SARDH: variants seen among roughly 807,000 people sequenced by gnomAD.
The protein encoded by SARDH is sarcosine dehydrogenase, mitochondrial.
SARDH carries 95 observed loss-of-function variants against 109.1 expected under a neutral mutation model. The ratio of observed to expected loss-of-function variants is 0.87; its 90% confidence interval spans 0.74 to 1.03. The LOEUF is 1.03. SARDH is among the 50% of genes least tolerant of loss of function. SARDH has a pLI of 0.00. For missense variants in SARDH, 1,267 were observed against 1,287.8 expected, an observed-to-expected ratio of 0.98 and a Z score of 0.25; for synonymous variants, 572 against 534.8, an observed-to-expected ratio of 1.07 and a Z score of -0.96.
intron 6 of SARDH, among the ~76,000 whole-genome samples, chr9:133,724,504 A>G (rs978326081): frequency 6.6e-6 from 1 of 152,174 alleles, no homozygotes; most frequent in African/African-American, 2.4e-5. Flanking sequence ...AAAAAGACAA[A>G]AAATAACAAG....
chr9:133,733,859 G>A lies in SARDH; in HGVS notation c.315C>T (p.Thr105=), dbSNP rs1438248593. 12 of 1,471,922 alleles carry A rather than the reference G, an allele frequency of 8.2e-6. No individual in the cohort carries two copies. Among genetic ancestry groups the A allele is most frequent in the Non-Finnish European group, 1.1e-5 (12 of 1,110,374 alleles). The allele number at this position is 1,471,922 out of a possible 1,614,324, so 91.2% of individuals were successfully genotyped here. A position where few individuals can be genotyped will look rare whatever the true frequency, so the allele number is the denominator to read the frequency against. ...GGTCCCTACCTGCCGTGTGCCAGGTGGTCCCGGAGGTCAGCCGCTCCCGCT... is the reference window on the plus strand; with the variant it reads ...GGTCCCTACCTGCCGTGTGCCAGGTAGTCCCGGAGGTCAGCCGCTCCCGCT... ...LLERERLTSG[T]TWHTAGLLWQ... is the part of the protein sequence containing the mutation. Residue 105 remains threonine (T), a synonymous_variant, in exon 2 of 21, where the codon ACC becomes ACT. Coordinates refer to ENST00000439388, the MANE Select transcript of SARDH (RefSeq NM_001134707.2).
intron 13 of SARDH, among the ~76,000 whole-genome samples, chr9:133,697,520 T>C (rs1478430949): frequency 6.6e-6 from 1 of 152,070 alleles, no homozygotes. Flanking sequence ...AAAAAAATCC[T>C]CAACAAAATA....
intron 20 of SARDH, among the ~76,000 whole-genome samples, chr9:133,664,925 T>C (rs940119288): frequency 4.6e-5 from 7 of 152,106 alleles, no homozygotes; most frequent in African/African-American, 1.7e-4. Flanking sequence ...GCATCTGGCC[T>C]TGCTAACAGA....
chr9:133,678,442 G>T (rs1830589303), intron 17 of SARDH, among the ~76,000 whole-genome samples: 1 of 152,186 alleles, frequency 6.6e-6, no homozygotes, highest in African/African-American at 2.4e-5. Flanking sequence ...CCCCAGATGG[G>T]TCATGGACAG....
intron 6 of SARDH, among the ~76,000 whole-genome samples, chr9:133,724,326 C>A (rs1049854174): frequency 7.9e-5 from 12 of 152,130 alleles, no homozygotes; most frequent in Admixed American, 7.9e-4. Flanking sequence ...AAAAGATAAG[C>A]AACCCTATTT....
chr9:133,736,647 C>T (rs111389997), intron 1 of SARDH, among the ~76,000 whole-genome samples: 23,391 of 152,226 alleles, frequency 0.15, 1,864 homozygotes, highest in Middle Eastern at 0.18. Context: ...CCGCCTGCCT[C>T]GGCCTCCCAA....
At chr9:133,731,604 G>T (rs903255231) in intron 3 of SARDH, 120 bp from the exon 4 acceptor site, 2 of 969,100 alleles carry the variant, frequency 2.1e-6, no homozygotes, top group East Asian at 2.6e-5. Flanking sequence ...AGCCTTAGCC[G>T]GTCCCCACGC....
In SARDH at chr9:133,666,694, G is replaced by A. The variant is rs748552110; in HGVS notation, c.2631+41C>T. ...GGGAGCTGGTTTGGAGCTGGTGAGGGATCGGCATCTGCCTTAGCAGGGCCA... is the reference window on the plus strand; with the variant it reads ...GGGAGCTGGTTTGGAGCTGGTGAGGAATCGGCATCTGCCTTAGCAGGGCCA... On this transcript the variant is annotated intron_variant, in intron 20 of 20. Coordinates refer to ENST00000439388, the MANE Select transcript of SARDH (RefSeq NM_001134707.2). The surrounding 1 kb of genome is among the most constrained non-coding windows in gnomAD (Gnocchi z 5.2). 1.9e-6 allele frequency: 3 copies of A among 1,560,400 alleles called. No individual in the cohort carries two copies. The South Asian group carries it at 3.5e-5, about 18-fold the overall frequency.
Position 133,694,344 on chromosome 9 carries a change from T to C in SARDH, c.1835A>G (p.Asn612Ser). Residue 612 changes from asparagine to serine, a missense_variant, in exon 15 of 21, where the codon AAC (asparagine) becomes AGC (serine). Asn to Ser is a conservative substitution (Grantham distance 46). Coordinates refer to ENST00000439388, the MANE Select transcript of SARDH (RefSeq NM_001134707.2). ...GTCACTCTCGGTGCCCCCACGGTGG[T>C]TGAGCATGCACGTGTACACGGTGGA... The part of the protein sequence containing the change: ...PGSTVYTCML[N>S]HRGGTESDLT... 6.4e-7 allele frequency: 1 copy of C among 1,550,656 alleles called. No individual in the cohort carries two copies. Among genetic ancestry groups the C allele is most frequent in the African/African-American group, 1.4e-5 (1 of 73,160 alleles).
rs763252196 is a variant in SARDH, at chr9:133,713,029, C to G, written c.1237+9G>C. ...CTTGGGGGCCAGGAGGGCTGCTGCC[C>G]GGACTCACCTGCGCTGTTGAAGCCA... On this transcript the variant is annotated intron_variant, in intron 9 of 20. Transcript: ENST00000439388. 3 of 1,607,408 alleles carry G rather than the reference C, an allele frequency of 1.9e-6. No homozygotes were observed. Among genetic ancestry groups the G allele is most frequent in the Non-Finnish European group, 8.5e-7 (1 of 1,177,702 alleles).
intron 10 of SARDH, 65 bp from the exon 11 acceptor site, chr9:133,708,493 G>A (rs1831789783): frequency 1.9e-6 from 3 of 1,540,958 alleles, no homozygotes; most frequent in South Asian, 2.5e-5. Flanking sequence ...GCTAGCCTAG[G>A]ACCCAGGGTA....
At chr9:133,738,644 GC>G (rs539191813), upstream of SARDH, among the ~76,000 whole-genome samples, 143 of 152,348 alleles carry the variant, frequency 9.4e-4, 1 homozygote, top group South Asian at 0.029. Context: ...TGCTGGAGCC[GC>G]CCGAGCTCCC....
intron 14 of SARDH, among the ~76,000 whole-genome samples, chr9:133,695,806 T>A (rs1831265545): frequency 6.6e-6 from 1 of 152,156 alleles, no homozygotes; most frequent in African/African-American, 2.4e-5. Flanking sequence ...TGGGACATAC[T>A]TACATTAAAA....
intron 16 of SARDH, among the ~76,000 whole-genome samples, chr9:133,689,257 A>G (rs889533701): frequency 1.2e-4 from 18 of 149,368 alleles, no homozygotes; most frequent in African/African-American, 4.5e-4. Flanking sequence ...CCAGAGACAG[A>G]TCACCCCTTT....
chr9:133,718,607 G>C lies in SARDH; in HGVS notation c.1020+331C>G. 1 of 769,210 alleles carries C rather than the reference G, an allele frequency of 1.3e-6. No homozygotes were observed. The highest frequency in any genetic ancestry group is 2.4e-6 in the Non-Finnish European group (1 of 413,922). 47.6% of individuals were successfully genotyped at this position (769,210 alleles called of 1,614,324 possible). A position where few individuals can be genotyped will look rare whatever the true frequency, so the allele number is the denominator to read the frequency against. On this transcript the variant is annotated intron_variant, in intron 7 of 20. Transcript: ENST00000439388. This position sits in a 1 kb window ranked among gnomAD's most constrained non-coding sequence, Gnocchi z 4.2. ...GGCCAGGGGAAATGCCGCTGCAGCA[G>C]CTGGTTGGGAGGGCAGTGTCATTTG...
At chr9:133,722,090 T>C (rs4979628) in intron 6 of SARDH, among the ~76,000 whole-genome samples, 43,032 of 151,928 alleles carry the variant, frequency 0.28, 6,775 homozygotes, top group Admixed American at 0.34. Flanking sequence ...CACTCCAGCC[T>C]GGGCAACAGA....
downstream of SARDH, among the ~76,000 whole-genome samples, chr9:133,663,286 A>G (rs1829945529): frequency 6.6e-6 from 1 of 152,066 alleles, no homozygotes; most frequent in African/African-American, 2.4e-5. Flanking sequence ...CGGGCTGCCG[A>G]CTCTCAGGAG....
chr9:133,703,328 T>G, intron 12 of SARDH: 4 of 425,460 alleles, frequency 9.4e-6, no homozygotes, highest in Non-Finnish European at 8.7e-6. Context: ...GAGAGGTGGT[T>G]ACCCAGGACC....
chr9:133,684,078 G>A (rs1463542408), intron 17 of SARDH, among the ~76,000 whole-genome samples: 4 of 152,216 alleles, frequency 2.6e-5, no homozygotes, highest in Non-Finnish European at 5.9e-5. Context: ...CTGGAGGCCC[G>A]GCCCCCGCTG....
Sources: allele counts gnomAD v4.1 joint callset (sites outside exome capture counted in the v4.1 genomes callset), GRCh38; gene constraint gnomAD v4.1.1; non-coding constraint Gnocchi (gnomAD v3.1); transcripts MANE v1.5; gene names NCBI Gene and HGNC (gene_info 2026-07-23, HGNC 2026-07-21).